HPS4: variants seen among roughly 807,000 people sequenced by gnomAD.
HPS4 encodes BLOC-3 complex member HPS4.
In HPS4, 44 loss-of-function variants were observed where a neutral mutation model predicts 70.3. The ratio of observed to expected loss-of-function variants is 0.63; its 90% confidence interval spans 0.49 to 0.80. The LOEUF is 0.80. Ranked by LOEUF, HPS4 falls within the 30% of genes least tolerant of loss-of-function variation. The pLI is 0.00. For synonymous variants in HPS4, 377 were observed against 355.9 expected (o/e 1.06, Z -0.67); for missense variants, 873 against 884.4 (o/e 0.99, Z 0.16).
chr22:26,461,622 G>C (rs1048839705), intron 11 of HPS4, among the ~76,000 whole-genome samples: 5 of 152,196 alleles, frequency 3.3e-5, no homozygotes. Flanking sequence ...TGCAAAAGGG[G>C]TGTGCTCACC....
chr22:26,475,826 G>C (rs2090470583), intron 4 of HPS4: 1 of 152,102 alleles, frequency 6.6e-6, no homozygotes, highest in African/African-American at 2.4e-5. Context: ...AGGATTCCTT[G>C]AGCTGAGGAG....
chr22:26,483,379 T>G (rs754108551), intron 1 of HPS4, among the ~76,000 whole-genome samples: 3 of 152,090 alleles, frequency 2.0e-5, no homozygotes, highest in African/African-American at 4.8e-5. Context: ...TGGGAAGTAA[T>G]AGTAACAACG....
At position 26,464,039 on chromosome 22, in the gene HPS4, G is replaced by A. The variant is rs763117738; in HGVS notation, c.1591C>T (p.Pro531Ser). ...ACGAGCCCCATGCAGGACTCTGCTGGTGTCAGCCTGGAGCTGATTCCATCT... is the reference window on the plus strand; with the variant it reads ...ACGAGCCCCATGCAGGACTCTGCTGATGTCAGCCTGGAGCTGATTCCATCT... ...SADGISSRLT[P>S]AESCMGLVRM... is the part of the protein sequence containing the mutation. Residue 531 changes from proline (P) to serine (S), a missense_variant, in exon 11 of 14, where the codon CCA (proline) becomes TCA (serine). Coordinates refer to ENST00000398145, the MANE Select transcript of HPS4 (RefSeq NM_022081.6). The A allele has an allele frequency of 1.9e-6, 3 of 1,614,136 alleles. No individual in the cohort carries two copies. The highest frequency in any genetic ancestry group is 1.3e-5 in the African/African-American group (1 of 74,948).
chr22:26,467,145 AAC>A (rs2088811988), intron 8 of HPS4: 1 of 152,224 alleles, frequency 6.6e-6, no homozygotes, highest in South Asian at 2.1e-4. Flanking sequence ...CTGCCACTAA[AAC>A]ATCTTTGGCC....
chr22:26,465,480 C>T lies in HPS4; in HGVS notation c.778G>A (p.Glu260Lys), dbSNP rs767940026. The change falls in exon 10 of 14, where the codon GAG becomes AAG. Residue 260 changes from glutamate to lysine, a missense_variant. Glu to Lys is a moderately conservative substitution (Grantham distance 56). Coordinates refer to ENST00000398145, the MANE Select transcript of HPS4 (RefSeq NM_022081.6). Reference protein sequence around the residue: ...VTKEEAISLHEFPVEQMTRSL... With the variant: ...VTKEEAISLHKFPVEQMTRSL... ...CTTGTCATCTGTTCCACCGGGAACT[C>T]GTGGAGACTAATGGCTTCCTCTTTG... is the stretch of plus-strand genomic sequence containing the variant. The T allele has an allele frequency of 3.7e-6, 6 of 1,613,196 alleles. No homozygotes were observed. The highest frequency in any genetic ancestry group is 1.3e-5 in the African/African-American group (1 of 74,880).
Position 26,464,321 on chromosome 22 carries a change from G to A in HPS4, c.1309C>T (p.His437Tyr), listed in dbSNP as rs1569060760. The A allele has an allele frequency of 1.1e-5, 17 of 1,613,994 alleles. No homozygotes were observed. The highest frequency in any genetic ancestry group is 1.3e-5 in the Non-Finnish European group (15 of 1,180,034). ...PPSAPEMLTQ[H>Y]GAQEQLEDHP... ...TCTTCGAGCTGCTCTTGGGCTCCAT[G>A]CTGGGTCAGCATCTCAGGAGCAGAG... Residue 437 changes from histidine (H) to tyrosine (Y), a missense_variant, in exon 11 of 14, where the codon CAT becomes TAT. Physicochemically the swap from His to Tyr is moderately conservative, Grantham distance 83. Coordinates refer to ENST00000398145, the MANE Select transcript of HPS4 (RefSeq NM_022081.6).
At chr22:26,480,127 T>C (rs913400076) in intron 2 of HPS4, among the ~76,000 whole-genome samples, 42 of 152,218 alleles carry the variant, frequency 2.8e-4, no homozygotes, top group African/African-American at 2.4e-5. Flanking sequence ...TATTATCTGA[T>C]TACCTCTTTA....
At chr22:26,450,351 G>A (rs889098407), downstream of HPS4, among the ~76,000 whole-genome samples, 6 of 152,176 alleles carry the variant, frequency 3.9e-5, no homozygotes, top group Non-Finnish European at 7.3e-5. Context: ...GTAACTGGGC[G>A]GCATGGGAAG....
intron 13 of HPS4, among the ~76,000 whole-genome samples, chr22:26,455,113 A>C (rs1238044876): frequency 1.3e-5 from 2 of 151,562 alleles, no homozygotes. Flanking sequence ...GAGAAATAGG[A>C]ACACTTTTAC....
At chr22:26,448,033 A>T (rs1245732487), downstream of HPS4, among the ~76,000 whole-genome samples, 1 of 152,220 alleles carries the variant, frequency 6.6e-6, no homozygotes, top group Non-Finnish European at 1.5e-5. Context: ...GCTGACATGA[A>T]CAAGGTCACG....
At position 26,464,761 on chromosome 22, in the gene HPS4, G is replaced by A; in HGVS notation, c.869C>T (p.Thr290Ile). The A allele has an allele frequency of 1.9e-6, 3 of 1,587,584 alleles. No homozygotes were observed. The highest frequency in any genetic ancestry group is 2.6e-6 in the Non-Finnish European group (3 of 1,166,356). The part of the protein sequence containing the change: ...SAQHHPKGGS[T>I]SALKENATGH... ...AGTGGCGTTTTCTTTCAGGGCAGAT[G>A]TGCTCCCACCCTTTGGATGGTGCTG... Residue 290 changes from threonine to isoleucine, a missense_variant, in exon 11 of 14, where the codon ACA becomes ATA. By Grantham distance (89) the Thr-to-Ile change is moderately conservative. Transcript: ENST00000398145.
At chr22:26,458,391 A>G in intron 12 of HPS4, 54 bp downstream of exon 12, 1 of 1,607,020 alleles carries the variant, frequency 6.2e-7, no homozygotes, top group Non-Finnish European at 8.5e-7. Context: ...TCTCATCTCC[A>G]CCCATCTAGA....
intron 13 of HPS4, among the ~76,000 whole-genome samples, chr22:26,456,437 G>A (rs935017761): frequency 1.3e-5 from 2 of 152,202 alleles, no homozygotes; most frequent in African/African-American, 4.8e-5. Context: ...AAGGTGGGCA[G>A]ATCACTAGGT....
In HPS4 at chr22:26,458,492, C is replaced by G; in HGVS notation, c.1799G>C (p.Ser600Thr). 1 of 1,614,142 alleles carries G rather than the reference C, an allele frequency of 6.2e-7. No individual in the cohort carries two copies. The highest frequency in any genetic ancestry group is 8.5e-7 in the Non-Finnish European group (1 of 1,180,016). The change falls in exon 12 of 14, where the codon AGC (serine) becomes ACC (threonine). Residue 600 changes from serine to threonine, a missense_variant. Coordinates refer to ENST00000398145, the MANE Select transcript of HPS4 (RefSeq NM_022081.6). ...GTCGTAATGTGTGAAGTTGTAGGTGCTGCTCGTGGAGGCTGCCTCATCCCT... is the reference window on the plus strand; with the variant it reads ...GTCGTAATGTGTGAAGTTGTAGGTGGTGCTCGTGGAGGCTGCCTCATCCCT... ...LPRDEAASTSSTYNFTHYDRI... is the reference protein window; with the variant it reads ...LPRDEAASTSTTYNFTHYDRI...
In HPS4 at chr22:26,479,406, G is replaced by C. The variant is rs1427145592; in HGVS notation, c.42-51C>G. Reference sequence around the variant, plus strand: ...TGTTTCCTTTAATCCAGTGATCACGGCATTTAAAACACAGCTTCCTGTTTC... The same window carrying C: ...TGTTTCCTTTAATCCAGTGATCACGCCATTTAAAACACAGCTTCCTGTTTC... On this transcript the variant is annotated intron_variant, in intron 2 of 13. Coordinates refer to ENST00000398145, the MANE Select transcript of HPS4 (RefSeq NM_022081.6). 3 of 1,601,540 alleles carry C rather than the reference G, an allele frequency of 1.9e-6. No individual in the cohort carries two copies. The African/African-American group carries it at 4.0e-5, about 22-fold the overall frequency.
chr22:26,464,244 G>A lies in HPS4; in HGVS notation c.1386C>T (p.Pro462=). The A allele has an allele frequency of 1.2e-6, 2 of 1,614,148 alleles. No homozygotes were observed. Among genetic ancestry groups the A allele is most frequent in the Non-Finnish European group, 1.7e-6 (2 of 1,180,030 alleles). ...QAPIPRADPL[P]RRTRRPLLLP... is the part of the protein sequence containing the mutation. Reference sequence around the variant, plus strand: ...ATAACAAGGGCCTGCGGGTCCTTCTGGGGAGAGGGTCTGCTCTGGGAATGG... The same window carrying A: ...ATAACAAGGGCCTGCGGGTCCTTCTAGGGAGAGGGTCTGCTCTGGGAATGG... Residue 462 remains proline, a synonymous_variant, in exon 11 of 14, where the codon CCC becomes CCT. Transcript: ENST00000398145.
intron 13 of HPS4, among the ~76,000 whole-genome samples, chr22:26,455,254 A>T (rs75346344): frequency 0.88 from 131,495 of 149,752 alleles, 58,255 homozygotes; most frequent in Non-Finnish European, 0.94. Context: ...AGGATTATAA[A>T]TCATGCTGCT....
At chr22:26,466,360 G>T in intron 8 of HPS4, 98 bp from the exon 9 acceptor site, 1 of 1,365,960 alleles carries the variant, frequency 7.3e-7, no homozygotes, top group Non-Finnish European at 1.0e-6. Context: ...ATAAAACTTA[G>T]CCAGGCCCAG....
At position 26,472,296 on chromosome 22, in the gene HPS4, T is replaced by C. The variant is rs772474190; in HGVS notation, c.501+6A>G. On this transcript the variant is annotated splice_donor_region_variant and intron_variant, in intron 6 of 13. Transcript: ENST00000398145. Reference sequence around the variant, plus strand: ...ATAAAATGAATAAGGAGGATGAAAATGTTACTTTAGTTTGGTCCAAGTTCC... The same window carrying C: ...ATAAAATGAATAAGGAGGATGAAAACGTTACTTTAGTTTGGTCCAAGTTCC... The C allele has an allele frequency of 6.6e-7, 1 of 1,508,442 alleles. No individual in the cohort carries two copies. The highest frequency in any genetic ancestry group is 9.2e-7 in the Non-Finnish European group (1 of 1,083,814). 93.4% of individuals were successfully genotyped at this position (1,508,442 alleles called of 1,614,324 possible). A position where few individuals can be genotyped will look rare whatever the true frequency, so the allele number is the denominator to read the frequency against.
Sources: gnomAD v4.1 joint callset for allele counts (sites outside exome capture counted in the v4.1 genomes callset) on GRCh38, gnomAD v4.1.1 for gene constraint, MANE v1.5 for transcripts, NCBI Gene and HGNC (gene_info 2026-07-23, HGNC 2026-07-21) for gene names.